The following LACTBL1 variants were observed in gnomAD, a reference collection of about 807,000 sequenced individuals.
LACTBL1 encodes lactamase beta like 1.
A neutral mutation model predicts 39.6 loss-of-function variants in LACTBL1; 29 were observed. That is an observed-to-expected ratio of 0.73 (90% CI 0.55 to 1.00). The LOEUF (loss-of-function observed/expected upper bound fraction) is 1.00. Among genes scored for constraint, LACTBL1 ranks in the 50% least tolerant of loss-of-function variants. The pLI is 0.00. For synonymous variants in LACTBL1, 361 were observed against 360.7 expected (o/e 1.00, Z -0.01); for missense variants, 711 against 748.5 (o/e 0.95, Z 0.59).
At position 22,954,044 on chromosome 1, in the gene LACTBL1, A is replaced by G; in HGVS notation, c.660-20T>C. On this transcript the variant is annotated intron_variant, in intron 5 of 5. Transcript: ENST00000426928. Reference sequence around the variant, plus strand: ...TGGCATCTGGAAGGAGAGCAGTGGCAAGTGGGACGGGGCCCTTCCTCACCC... The same window carrying G: ...TGGCATCTGGAAGGAGAGCAGTGGCGAGTGGGACGGGGCCCTTCCTCACCC... 6.6e-7 allele frequency: 1 copy of G among 1,507,874 alleles called. No homozygotes were observed. The highest frequency in any genetic ancestry group is 1.4e-5 in the African/African-American group (1 of 72,286). 93.4% of individuals were successfully genotyped at this position (1,507,874 alleles called of 1,614,324 possible).
rs35006759 is a variant in LACTBL1 at position 22,960,617 on chromosome 1, CAAAAAAAAAAAA to C, written c.160-530_160-519del. ...AGGCAGCAAGAGCGAAACTCCGTCT[CAAAAAAAAAAAA>C]AAAAAAAAAAAAACCAGCTACTGCT... On this transcript the variant is annotated intron_variant, in intron 2 of 5. Transcript: ENST00000426928. Among the ~76,000 whole-genome samples the C allele has an allele frequency of 6.8e-3, 258 of 38,008 alleles. 2 individuals are homozygous for C. The highest frequency in any genetic ancestry group is 0.025 in the African/African-American group (241 of 9,724). 24.9% of individuals were successfully genotyped at this position (38,008 alleles called of 152,430 possible). A position where few individuals can be genotyped will look rare whatever the true frequency, so the allele number is the denominator to read the frequency against.
chr1:22,965,798 G>A (rs1640871002), upstream of LACTBL1, among the ~76,000 whole-genome samples: 6 of 152,180 alleles, frequency 3.9e-5, no homozygotes, highest in African/African-American at 1.2e-4. Flanking sequence ...AAGAGGTTTA[G>A]TTGACTCACA....
At chr1:22,954,148 T>C in intron 5 of LACTBL1, 124 bp from the exon 8 acceptor site, 2 of 1,435,624 alleles carry the variant, frequency 1.4e-6, no homozygotes, top group Non-Finnish European at 1.8e-6. Context: ...GCATCCCAGG[T>C]GGTCAGACCT....
At chr1:22,957,825 T>C (rs1351380504) in intron 4 of LACTBL1, among the ~76,000 whole-genome samples, 1 of 151,950 alleles carries the variant, frequency 6.6e-6, no homozygotes, top group Non-Finnish European at 1.5e-5. Context: ...TAATTTTTTG[T>C]ATTTTTAGTA....
upstream of LACTBL1, among the ~76,000 whole-genome samples, chr1:22,966,440 C>T (rs868281474): frequency 2.6e-5 from 4 of 152,232 alleles, no homozygotes; most frequent in Admixed American, 6.5e-5. Flanking sequence ...CCCTTCCCTC[C>T]TCTGTCCTCA....
intron 1 of LACTBL1, among the ~76,000 whole-genome samples, chr1:22,963,474 C>A: frequency 6.6e-6 from 1 of 152,202 alleles, no homozygotes; most frequent in East Asian, 1.9e-4. Context: ...TCTTGCTTAA[C>A]CAGCTTCCCA....
chr1:22,966,483 A>C (rs113665476), upstream of LACTBL1, among the ~76,000 whole-genome samples: 38 of 152,326 alleles, frequency 2.5e-4, 1 homozygote, highest in African/African-American at 9.1e-4. Context: ...GTGAGTTACC[A>C]AATGAGAAAT....
Position 22,953,213 on chromosome 1 carries a change from A to AG in LACTBL1, c.1470dup (p.Cys491LeufsTer?). 2 of 1,232,146 alleles carry AG rather than the reference A, an allele frequency of 1.6e-6. No homozygotes were observed. Among genetic ancestry groups the AG allele is most frequent in the East Asian group, 6.3e-5 (2 of 31,700 alleles). The allele number at this position is 1,232,146 out of a possible 1,614,324, so 76.3% of individuals were successfully genotyped here. ...CACGCGTCGCCGAGTGGCAGTGCGC[A>AG]GGGGAACTCGTGGGCCACGTGCAGC... On this transcript the variant is annotated frameshift_variant, in exon 6 of 6. Transcript: ENST00000426928. LOFTEE classifies it high-confidence loss of function.
upstream of LACTBL1, among the ~76,000 whole-genome samples, chr1:22,968,950 G>T (rs190056725): frequency 1.3e-4 from 20 of 152,206 alleles, no homozygotes; most frequent in African/African-American, 4.3e-4. Flanking sequence ...ATCAGTTTTT[G>T]CATTTTTTGT....
In LACTBL1 at chr1:22,953,078, G is replaced by GC. The variant is rs1292810825; in HGVS notation, c.1605dup (p.Arg536AlafsTer?). Reference sequence around the variant, plus strand: ...TTGAACACCGGCTTGCCCCGCAGCCGCAGCACTCTGTACGTGTTGAGGCCG... The same window carrying GC: ...TTGAACACCGGCTTGCCCCGCAGCCGCCAGCACTCTGTACGTGTTGAGGCCG... On this transcript the variant is annotated frameshift_variant, in exon 6 of 6. Coordinates refer to ENST00000426928, the Ensembl canonical transcript of LACTBL1. LOFTEE classifies it high-confidence loss of function. 9 of 1,232,192 alleles carry GC rather than the reference G, an allele frequency of 7.3e-6. No homozygotes were observed. Among genetic ancestry groups the GC allele is most frequent in the Non-Finnish European group, 9.1e-6 (9 of 988,092 alleles). 76.3% of individuals were successfully genotyped at this position (1,232,192 alleles called of 1,614,324 possible).
chr1:22,957,083 T>C (rs1640768996), intron 4 of LACTBL1, among the ~76,000 whole-genome samples: 1 of 152,082 alleles, frequency 6.6e-6, no homozygotes, highest in African/African-American at 2.4e-5. Context: ...ATTATATATG[T>C]ATATATTATT....
intron 2 of LACTBL1, among the ~76,000 whole-genome samples, chr1:22,961,618 C>G (rs900521471): frequency 6.6e-6 from 1 of 152,126 alleles, no homozygotes; most frequent in Non-Finnish European, 1.5e-5. Flanking sequence ...GCTGCCTCAG[C>G]CTCCCAAAGT....
intron 4 of LACTBL1, among the ~76,000 whole-genome samples, chr1:22,956,691 G>T (rs781571543): frequency 6.6e-6 from 1 of 151,986 alleles, no homozygotes; most frequent in African/African-American, 2.4e-5. Context: ...CAATCCCTCC[G>T]CACCTGCCTT....
chr1:22,958,592 A>T, intron 4 of LACTBL1, 93 bp downstream of exon 6: 1 of 1,101,308 alleles, frequency 9.1e-7, no homozygotes, highest in Non-Finnish European at 1.3e-6. Flanking sequence ...AAGCAGAGCC[A>T]AGAGTGAGCC....
At chr1:22,965,467 A>G, upstream of LACTBL1, 24 of 1,231,244 alleles carry the variant, frequency 1.9e-5, no homozygotes, top group Non-Finnish European at 2.4e-5. Context: ...CTTGGGGGTC[A>G]GTCAGAGGGA....
intron 4 of LACTBL1, among the ~76,000 whole-genome samples, chr1:22,957,640 CTTTTTTTTTTTTTT>C (rs34603019): frequency 5.1e-4 from 29 of 56,688 alleles, no homozygotes; most frequent in Non-Finnish European, 6.9e-4. Flanking sequence ...TCTTAATATT[CTTTTTTTTTTTTTT>C]TTTTTTTTTT....
At chr1:22,966,092 A>G (rs147337868), upstream of LACTBL1, among the ~76,000 whole-genome samples, 1 of 152,374 alleles carries the variant, frequency 6.6e-6, no homozygotes, top group African/African-American at 2.4e-5. Flanking sequence ...ATTTTATGTC[A>G]TATGAATTAT....
At chr1:22,963,564 G>A (rs1201212921) in intron 1 of LACTBL1, among the ~76,000 whole-genome samples, 5 of 152,188 alleles carry the variant, frequency 3.3e-5, no homozygotes, top group Admixed American at 6.5e-5. Flanking sequence ...ACCTGCTGTC[G>A]TCCTGATTAT....
chr1:22,963,158 C>A, exon 2 of LACTBL1: 1 of 1,311,444 alleles, frequency 7.6e-7, no homozygotes, highest in Non-Finnish European at 9.8e-7. Context: ...GGGGCACGGG[C>A]TCAGGGTGCC....
Sources: gnomAD v4.1 joint callset for allele counts (sites outside exome capture counted in the v4.1 genomes callset) on GRCh38, gnomAD v4.1.1 for gene constraint, MANE v1.5 for transcripts, NCBI Gene and HGNC (gene_info 2026-07-23, HGNC 2026-07-21) for gene names.